CCDC30: variants seen among roughly 807,000 people sequenced by gnomAD.
CCDC30 encodes the protein coiled-coil domain-containing protein 30.
A neutral mutation model predicts 100.2 loss-of-function variants in CCDC30; 70 were observed. The observed-to-expected ratio is 0.70, with a 90% CI of 0.58 to 0.85. The LOEUF is 0.85. CCDC30 is among the 40% of genes least tolerant of loss of function. The pLI, the probability that CCDC30 is intolerant of heterozygous loss-of-function variation, is 0.00. For missense variants in CCDC30, 652 were observed against 771.2 expected (o/e 0.85, Z 1.83); for synonymous variants, 233 against 269.5 (o/e 0.86, Z 1.33).
chr1:42,587,117 C>T (rs576390242), intron 9 of CCDC30, among the ~76,000 whole-genome samples: 53 of 152,286 alleles, frequency 3.5e-4, no homozygotes, highest in Admixed American at 9.2e-4. Flanking sequence ...CCCACCTCAG[C>T]CTCCTGAGTA....
At chr1:42,588,913 G>A (rs980331824) in intron 9 of CCDC30, among the ~76,000 whole-genome samples, 1 of 151,702 alleles carries the variant, frequency 6.6e-6, no homozygotes, top group Admixed American at 6.6e-5. Context: ...TTATAGCAGT[G>A]TTAATGTGTG....
intron 10 of CCDC30, among the ~76,000 whole-genome samples, chr1:42,598,182 A>G (rs1044743035): frequency 8.6e-5 from 13 of 151,582 alleles, no homozygotes; most frequent in African/African-American, 3.2e-4. Context: ...AAGAGAAAAA[A>G]TTACCAACCT....
chr1:42,508,664 C>CGT (rs1385754551), intron 6 of CCDC30, among the ~76,000 whole-genome samples: 1 of 151,658 alleles, frequency 6.6e-6, no homozygotes, highest in Non-Finnish European at 1.5e-5. Context: ...AGGGTGTGTA[C>CGT]GTGTGTGTGT....
At chr1:42,517,118 C>G (rs1342173808) in intron 6 of CCDC30, among the ~76,000 whole-genome samples, 1 of 152,170 alleles carries the variant, frequency 6.6e-6, no homozygotes, top group Non-Finnish European at 1.5e-5. Flanking sequence ...GGGTCTTGCT[C>G]TGTCACTCAG....
At chr1:42,542,598 C>T (rs1645036101) in intron 6 of CCDC30, among the ~76,000 whole-genome samples, 2 of 104,968 alleles carry the variant, frequency 1.9e-5, no homozygotes, top group South Asian at 5.9e-4. Context: ...GGCCGGACTG[C>T]GGACTGCAGT....
intron 5 of CCDC30, among the ~76,000 whole-genome samples, chr1:42,497,981 C>T (rs1189129851): frequency 6.6e-6 from 1 of 152,150 alleles, no homozygotes; most frequent in African/African-American, 2.4e-5. Context: ...CATCCATATT[C>T]ATAGTAGCAT....
At chr1:42,461,692 G>A (rs1643417092), upstream of CCDC30, among the ~76,000 whole-genome samples, 1 of 151,926 alleles carries the variant, frequency 6.6e-6, no homozygotes, top group African/African-American at 2.4e-5. Context: ...GACTACAGGC[G>A]CCCGCCACCA....
At chr1:42,471,441 T>G (rs1163936487) in intron 1 of CCDC30, among the ~76,000 whole-genome samples, 1 of 152,228 alleles carries the variant, frequency 6.6e-6, no homozygotes, top group Admixed American at 6.5e-5. Context: ...TTCCAGTCTT[T>G]TCTTTGTGTG....
chr1:42,509,675 G>A (rs2148489561), intron 6 of CCDC30, among the ~76,000 whole-genome samples: 1 of 152,296 alleles, frequency 6.6e-6, no homozygotes, highest in Middle Eastern at 3.4e-3. Context: ...TCCTGGGCCT[G>A]TATCCTAACC....
At position 42,527,931 on chromosome 1, in the gene CCDC30, T is replaced by TA. The variant is rs1195730373; in HGVS notation, c.456+29016dup. Among the ~76,000 whole-genome samples, 3 of 152,076 alleles carry TA rather than the reference T, an allele frequency of 2.0e-5. No homozygotes were observed. The East Asian group carries it at 5.8e-4, about 29-fold the overall frequency. ...CCAAGGCTGGAGTGCAATGGCGCGA[T>TA]ACCGACTCACTGGAACCTCTGCCTC... On this transcript the variant is annotated intron_variant, in intron 6 of 16. Coordinates refer to ENST00000668663, the Ensembl canonical transcript of CCDC30.
chr1:42,577,530 A>G (rs1645865922), intron 8 of CCDC30, among the ~76,000 whole-genome samples: 1 of 152,164 alleles, frequency 6.6e-6, no homozygotes, highest in Non-Finnish European at 1.5e-5. Context: ...GAGAAGGCGT[A>G]TTCTCTCATT....
chr1:42,593,685 A>G (rs1646231034), intron 10 of CCDC30: 1 of 152,378 alleles, frequency 6.6e-6, no homozygotes, highest in African/African-American at 2.4e-5. Context: ...TCTTCTCATT[A>G]GTTTACAAAA....
the CCDC30 span, chr1:42,456,267 T>C: frequency 4.8e-5 from 29 of 598,420 alleles, no homozygotes; most frequent in Non-Finnish European, 7.4e-5. Context: ...GCCCGTACAG[T>C]GGCCGGTAAG....
intron 4 of CCDC30, 132 bp from the exon 5 acceptor site, chr1:42,496,966 C>A: frequency 2.4e-6 from 1 of 410,672 alleles, no homozygotes; most frequent in Non-Finnish European, 4.2e-6. Context: ...AGAGAGCCAG[C>A]CACATATGCA....
intron 3 of CCDC30, among the ~76,000 whole-genome samples, chr1:42,488,114 T>C (rs1294379780): frequency 6.6e-6 from 1 of 152,214 alleles, no homozygotes; most frequent in Admixed American, 6.5e-5. Context: ...CCCTAGCTAC[T>C]TTTGTATATA....
intron 11 of CCDC30, among the ~76,000 whole-genome samples, chr1:42,634,237 G>A (rs1054566228): frequency 3.2e-5 from 4 of 125,292 alleles, no homozygotes; most frequent in Non-Finnish European, 6.4e-5. Context: ...AGGCTGCACA[G>A]CAAGACTGTC....
At chr1:42,646,835 G>T (rs544577162) in intron 15 of CCDC30, among the ~76,000 whole-genome samples, 25 of 152,288 alleles carry the variant, frequency 1.6e-4, no homozygotes, top group African/African-American at 5.5e-4. Flanking sequence ...GGGTGCGGTG[G>T]TTCATGCCTG....
At chr1:42,503,403 G>A (rs1644350255) in intron 6 of CCDC30, among the ~76,000 whole-genome samples, 1 of 152,182 alleles carries the variant, frequency 6.6e-6, no homozygotes, top group South Asian at 2.1e-4. Flanking sequence ...TTATAGGCAA[G>A]CTTGAGGAGG....
intron 11 of CCDC30, among the ~76,000 whole-genome samples, chr1:42,619,563 A>G (rs1646790852): frequency 1.3e-5 from 2 of 152,136 alleles, no homozygotes; most frequent in South Asian, 4.2e-4. Context: ...ATCATGGCAA[A>G]ACAGGTTAAG....
Sources: allele counts gnomAD v4.1 joint callset (sites outside exome capture counted in the v4.1 genomes callset), GRCh38; gene constraint gnomAD v4.1.1; transcripts MANE v1.5; gene names NCBI Gene and HGNC (gene_info 2026-07-23, HGNC 2026-07-21).